The following PABPC4L variants were observed in gnomAD, a reference collection of about 807,000 sequenced individuals.
PABPC4L encodes the protein polyadenylate-binding protein 4-like.
For synonymous variants in PABPC4L, 169 were observed against 164.1 expected (o/e 1.03, Z -0.23); for missense variants, 452 against 451.4 (o/e 1.00, Z -0.01).
At chr4:134,157,610 GTT>G in the PABPC4L span, among the ~76,000 whole-genome samples, 1 of 151,554 alleles carries the variant, frequency 6.6e-6, no homozygotes, top group Admixed American at 6.6e-5. Context: ...GAGAAATATT[GTT>G]TTTAAATTTA....
the PABPC4L span, among the ~76,000 whole-genome samples, chr4:134,064,081 A>G: frequency 2.6e-5 from 4 of 152,046 alleles, no homozygotes; most frequent in Non-Finnish European, 5.9e-5. Context: ...GAAAATAATG[A>G]ACATGCAGAA....
chr4:133,973,390 T>C, the PABPC4L span, among the ~76,000 whole-genome samples: 63 of 151,406 alleles, frequency 4.2e-4, 2 homozygotes, highest in East Asian at 5.8e-3. Flanking sequence ...AAAGCTGATA[T>C]AAACTTTTTC....
rs752479855 is a variant in PABPC4L at position 134,200,547 on chromosome 4, T to C, written c.473A>G (p.Asn158Ser). The part of the protein sequence containing the change: ...SAADRAIEEM[N>S]GKLLKGCKVF... ...CTTGCAGCCCTTGAGTAGTTTTCCA[T>C]TCATCTCCTCAATGGCCCTGTCTGC... is the stretch of plus-strand genomic sequence containing the variant. The change falls in exon 2 of 2, where the codon AAT (asparagine) becomes AGT (serine). Residue 158 changes from asparagine to serine, a missense_variant. Asn to Ser is a conservative substitution (Grantham distance 46). Transcript: ENST00000421491. 1.1e-5 allele frequency: 17 copies of C among 1,551,650 alleles called. 1 individual carries two copies. The South Asian group carries it at 1.9e-4, about 17-fold the overall frequency.
chr4:134,163,568 T>C, the PABPC4L span, among the ~76,000 whole-genome samples: 1 of 152,028 alleles, frequency 6.6e-6, no homozygotes, highest in Non-Finnish European at 1.5e-5. Context: ...TACAGACCAA[T>C]ATCCCTGATG....
the PABPC4L span, among the ~76,000 whole-genome samples, chr4:134,059,044 G>A: frequency 3.0e-4 from 46 of 152,088 alleles, no homozygotes; most frequent in African/African-American, 1.0e-3. Flanking sequence ...TCAAGAGAAG[G>A]GGGTAAACGG....
chr4:134,048,389 G>A, the PABPC4L span, among the ~76,000 whole-genome samples: 6 of 151,976 alleles, frequency 3.9e-5, no homozygotes, highest in African/African-American at 1.4e-4. Flanking sequence ...ATGTTTGGAG[G>A]TATTTAACCA....
chr4:133,978,302 G>A, the PABPC4L span, among the ~76,000 whole-genome samples: 4 of 152,132 alleles, frequency 2.6e-5, no homozygotes, highest in African/African-American at 7.2e-5. Context: ...TAGTAGAAAA[G>A]AGAGATAGTA....
chr4:133,983,797 G>T, the PABPC4L span, among the ~76,000 whole-genome samples: 1 of 151,696 alleles, frequency 6.6e-6, no homozygotes, highest in African/African-American at 2.4e-5. Context: ...TGTAATTCCT[G>T]AAATACTGAT....
chr4:134,024,460 C>T, the PABPC4L span, among the ~76,000 whole-genome samples: 1 of 152,114 alleles, frequency 6.6e-6, no homozygotes, highest in Non-Finnish European at 1.5e-5. Context: ...AGATGGCCAC[C>T]TTCTTGCTTT....
At chr4:134,064,378 T>C in the PABPC4L span, among the ~76,000 whole-genome samples, 4 of 152,052 alleles carry the variant, frequency 2.6e-5, no homozygotes, top group Admixed American at 2.0e-4. Flanking sequence ...CATATTCACA[T>C]ATTATAATAA....
At position 134,201,045 on chromosome 4, in the gene PABPC4L, T is replaced by C. The variant is rs765142841; in HGVS notation, c.-26A>G. Reference sequence around the variant, plus strand: ...CTCCTTGTCCTTGCCACTGTGAGTTTGTCCCCTGGAGTTCTTTGAGCAATC... The same window carrying C: ...CTCCTTGTCCTTGCCACTGTGAGTTCGTCCCCTGGAGTTCTTTGAGCAATC... On this transcript the variant is annotated 5_prime_UTR_variant, in exon 2 of 2. Transcript: ENST00000421491. 16 of 1,551,554 alleles carry C rather than the reference T, an allele frequency of 1.0e-5. No individual in the cohort carries two copies. Among genetic ancestry groups the C allele is most frequent in the Middle Eastern group, 1.7e-4 (1 of 6,014 alleles).
At chr4:134,174,301 T>A in the PABPC4L span, among the ~76,000 whole-genome samples, 4 of 151,968 alleles carry the variant, frequency 2.6e-5, no homozygotes, top group Non-Finnish European at 5.9e-5. Flanking sequence ...TAAAAAAAAA[T>A]AGTAAGTAGA....
the PABPC4L span, among the ~76,000 whole-genome samples, chr4:134,157,441 T>A: frequency 2.0e-5 from 3 of 151,926 alleles, no homozygotes; most frequent in African/African-American, 7.2e-5. Context: ...TTTATGAAAC[T>A]TTTGTCCACT....
At chr4:134,059,214 A>C in the PABPC4L span, among the ~76,000 whole-genome samples, 1 of 151,876 alleles carries the variant, frequency 6.6e-6, no homozygotes, top group Admixed American at 6.6e-5. Context: ...TTCCCACCAG[A>C]TTGCCTGCAA....
At chr4:134,018,751 A>C in the PABPC4L span, among the ~76,000 whole-genome samples, 1 of 152,102 alleles carries the variant, frequency 6.6e-6, no homozygotes, top group Non-Finnish European at 1.5e-5. Context: ...TTTCTATTCT[A>C]AGAAAAAATT....
At chr4:134,067,607 A>G in the PABPC4L span, among the ~76,000 whole-genome samples, 1 of 151,884 alleles carries the variant, frequency 6.6e-6, no homozygotes, top group Non-Finnish European at 1.5e-5. Flanking sequence ...TAGTTTCTTC[A>G]GGTGTGATGT....
the PABPC4L span, among the ~76,000 whole-genome samples, chr4:134,004,867 A>G: frequency 1.3e-5 from 2 of 151,926 alleles, no homozygotes; most frequent in Admixed American, 1.3e-4. Flanking sequence ...TAGGAATACA[A>G]ATACTGCATG....
At chr4:133,958,835 G>T in the PABPC4L span, among the ~76,000 whole-genome samples, 3 of 152,088 alleles carry the variant, frequency 2.0e-5, no homozygotes, top group Non-Finnish European at 4.4e-5. Context: ...AAGATTATGG[G>T]AACTACAATT....
At chr4:134,189,643 T>C in the PABPC4L span, among the ~76,000 whole-genome samples, 1 of 151,926 alleles carries the variant, frequency 6.6e-6, no homozygotes, top group Admixed American at 6.6e-5. Context: ...GTAATGTAAG[T>C]GGTAAGATGT....
Sources: gnomAD v4.1 joint callset for allele counts (sites outside exome capture counted in the v4.1 genomes callset) on GRCh38, gnomAD v4.1.1 for gene constraint, MANE v1.5 for transcripts, NCBI Gene and HGNC (gene_info 2026-07-23, HGNC 2026-07-21) for gene names.